NPHP1: variants seen among roughly 807,000 people sequenced by gnomAD.
The protein encoded by NPHP1 is nephrocystin-1.
In NPHP1, 70 loss-of-function variants were observed where a neutral mutation model predicts 90.4. That is an observed-to-expected ratio of 0.77 (90% confidence interval 0.64 to 0.95). NPHP1 has a LOEUF of 0.95. Among genes scored for constraint, NPHP1 ranks in the 40% least tolerant of loss-of-function variants. NPHP1 has a pLI of 0.00. For synonymous variants in NPHP1, 256 were observed against 271.7 expected (o/e 0.94, Z 0.57); for missense variants, 764 against 795.9 (o/e 0.96, Z 0.48).
At chr2:110,196,723 T>C (rs1193149999) in intron 2 of NPHP1, among the ~76,000 whole-genome samples, 1 of 152,206 alleles carries the variant, frequency 6.6e-6, no homozygotes, top group African/African-American at 2.4e-5. Flanking sequence ...ATTGTGGCAC[T>C]ATTCACAATA....
chr2:110,125,751 A>G (rs1049970841), intron 18 of NPHP1, 70 bp from the exon 19 acceptor site: 1 of 1,255,784 alleles, frequency 8.0e-7, no homozygotes, highest in Non-Finnish European at 1.2e-6. Context: ...ATGCAAATTT[A>G]CTCTGTAAAT....
chr2:110,157,846 C>T (rs964210402), intron 11 of NPHP1, among the ~76,000 whole-genome samples: 3 of 152,172 alleles, frequency 2.0e-5, no homozygotes, highest in Non-Finnish European at 4.4e-5. Flanking sequence ...TTTAATTTCA[C>T]ATTGACCGTT....
At chr2:110,148,676 A>G (rs941665572) in intron 12 of NPHP1, among the ~76,000 whole-genome samples, 3 of 152,162 alleles carry the variant, frequency 2.0e-5, no homozygotes, top group Admixed American at 2.0e-4. Flanking sequence ...AGAGGCTAAT[A>G]GTACTGTGCC....
intron 1 of NPHP1, 124 bp downstream of exon 1, chr2:110,204,776 G>T: frequency 2.1e-6 from 2 of 938,470 alleles, no homozygotes; most frequent in East Asian, 2.5e-5. Flanking sequence ...GTTACAACCT[G>T]GGAAGGTAAG....
chr2:110,164,359 G>T, intron 8 of NPHP1: 1 of 623,568 alleles, frequency 1.6e-6, no homozygotes, highest in African/African-American at 1.8e-5. Flanking sequence ...TTTATTAAAG[G>T]CTTTCAGGAT....
intron 13 of NPHP1, among the ~76,000 whole-genome samples, chr2:110,147,475 C>T (rs1220432874): frequency 6.6e-6 from 1 of 152,004 alleles, no homozygotes; most frequent in African/African-American, 2.4e-5. Context: ...AGCACAGAGC[C>T]CCACCCACTG....
In NPHP1 at chr2:110,144,530, T is replaced by C. The variant is rs369856527; in HGVS notation, c.1392A>G (p.Glu464=). The change falls in exon 15 of 20, where the codon GAA becomes GAG. Residue 464 remains glutamate (E), a synonymous_variant. Transcript: ENST00000445609. ...ELFLNGGTPY[E]KGIEVDPSIS... is the part of the protein sequence containing the mutation. Reference sequence around the variant, plus strand: ...TTGAAGGGTCCACTTCAATACCTTTTTCATAAGGAGTACCACCATTCAAGA... The same window carrying C: ...TTGAAGGGTCCACTTCAATACCTTTCTCATAAGGAGTACCACCATTCAAGA... 15 of 1,606,808 alleles carry C rather than the reference T, an allele frequency of 9.3e-6. No homozygotes were observed. Among genetic ancestry groups the C allele is most frequent in the Non-Finnish European group, 1.3e-5 (15 of 1,173,632 alleles).
intron 10 of NPHP1, among the ~76,000 whole-genome samples, 177 bp from the exon 11 acceptor site, chr2:110,160,432 T>C (rs1388370733): frequency 6.6e-6 from 1 of 150,494 alleles, no homozygotes. Context: ...TCATTTTAGG[T>C]AAATTTTTCA....
At chr2:110,167,871 A>G (rs953952292) in intron 6 of NPHP1, among the ~76,000 whole-genome samples, 2 of 152,146 alleles carry the variant, frequency 1.3e-5, no homozygotes, top group Non-Finnish European at 2.9e-5. Context: ...ATGTAATAAC[A>G]CATATTTGGT....
intron 16 of NPHP1, among the ~76,000 whole-genome samples, chr2:110,136,854 C>A (rs1388542356): frequency 6.6e-6 from 1 of 152,120 alleles, no homozygotes; most frequent in Non-Finnish European, 1.5e-5. Flanking sequence ...AAAAAAGAGC[C>A]CGCATTGCCA....
intron 16 of NPHP1, among the ~76,000 whole-genome samples, chr2:110,141,053 C>T (rs1023728176): frequency 3.9e-5 from 6 of 152,158 alleles, no homozygotes; most frequent in South Asian, 2.1e-4. Flanking sequence ...TCAGCTGCAA[C>T]AGTCTCTGTC....
chr2:110,150,344 C>T, intron 11 of NPHP1, 88 bp from the exon 12 acceptor site: 1 of 1,195,068 alleles, frequency 8.4e-7, no homozygotes, highest in Non-Finnish European at 1.3e-6. Context: ...ACAGTGGCTA[C>T]ACTAAGTGAG....
In NPHP1 at chr2:110,161,659, G is replaced by A. The variant is rs772404584; in HGVS notation, c.898C>T (p.Leu300Phe). The change falls in exon 10 of 20, where the codon CTC becomes TTC. Residue 300 changes from leucine to phenylalanine, a missense_variant. Coordinates refer to ENST00000445609, the MANE Select transcript of NPHP1 (RefSeq NM_001128178.3). ...CTGAAGGCCAGTTGTGAAGGCATGA[G>A]CTCTGGTTGTAAGAAGTAATTTGCT... Reference protein sequence around the residue: ...FRANYFLQPELMPSQLAFRDL... With the variant: ...FRANYFLQPEFMPSQLAFRDL... 1 of 1,613,190 alleles carries A rather than the reference G, an allele frequency of 6.2e-7. No individual in the cohort carries two copies. Among genetic ancestry groups the A allele is most frequent in the Admixed American group, 1.7e-5 (1 of 59,998 alleles).
intron 11 of NPHP1, among the ~76,000 whole-genome samples, chr2:110,159,698 C>A (rs975941530): frequency 6.6e-6 from 1 of 151,964 alleles, no homozygotes; most frequent in African/African-American, 2.4e-5. Flanking sequence ...TCTCACTATG[C>A]ATCTTTCAGT....
chr2:110,128,946 G>A, intron 18 of NPHP1: 2 of 525,686 alleles, frequency 3.8e-6, no homozygotes, highest in Non-Finnish European at 6.9e-6. Flanking sequence ...GAAAAAATGG[G>A]CAAAGATTGC....
At chr2:110,201,313 T>A in intron 2 of NPHP1, 108 bp downstream of exon 2, 1 of 793,846 alleles carries the variant, frequency 1.3e-6, no homozygotes, top group Non-Finnish European at 2.1e-6. Flanking sequence ...TACAACACTA[T>A]GTGATTCTTC....
intron 19 of NPHP1, chr2:110,125,237 T>G (rs1194679197): frequency 1.3e-6 from 2 of 1,535,874 alleles, no homozygotes; most frequent in Non-Finnish European, 8.7e-7. Flanking sequence ...TATAGCAAGG[T>G]AAGCAGGAGC....
chr2:110,133,335 A>G (rs1291822997), intron 16 of NPHP1, among the ~76,000 whole-genome samples: 1 of 152,140 alleles, frequency 6.6e-6, no homozygotes, highest in African/African-American at 2.4e-5. Flanking sequence ...ATCATAAAAC[A>G]GTCAATTCAG....
In NPHP1 at chr2:110,141,890, G is replaced by A. The variant is rs191491744; in HGVS notation, c.1529+1652C>T. ...CGGTAGGCTGAGGCAGGAAAATGGCGTGAACCCGGGAGGCGGAGCTTGCAG... is the reference window on the plus strand; with the variant it reads ...CGGTAGGCTGAGGCAGGAAAATGGCATGAACCCGGGAGGCGGAGCTTGCAG... On this transcript the variant is annotated intron_variant, in intron 16 of 19. Coordinates refer to ENST00000445609, the MANE Select transcript of NPHP1 (RefSeq NM_001128178.3). Among the ~76,000 whole-genome samples, 1,493 of 150,364 alleles carry A rather than the reference G, an allele frequency of 9.9e-3. 26 individuals are homozygous for A. The highest frequency in any genetic ancestry group is 0.034 in the African/African-American group (1,403 of 40,912).
Sources: allele counts gnomAD v4.1 joint callset (sites outside exome capture counted in the v4.1 genomes callset), GRCh38; gene constraint gnomAD v4.1.1; transcripts MANE v1.5; gene names NCBI Gene and HGNC (gene_info 2026-07-23, HGNC 2026-07-21).